SPAG17: variants seen among roughly 807,000 people sequenced by gnomAD.
SPAG17 encodes the protein sperm-associated antigen 17.
SPAG17 carries 169 observed loss-of-function variants against 273.6 expected under a neutral mutation model. The ratio of observed to expected loss-of-function variants is 0.62; its 90% CI spans 0.55 to 0.70. The LOEUF (loss-of-function observed/expected upper bound fraction) is 0.70, where lower values mean the gene tolerates loss of function less well. Ranked by LOEUF, SPAG17 falls within the 30% of genes least tolerant of loss-of-function variation. SPAG17 has a pLI of 0.00. For synonymous variants in SPAG17, 825 were observed against 873.2 expected, an observed-to-expected ratio of 0.94 and a Z score of 0.97; for missense variants, 2,557 against 2,627.8, an observed-to-expected ratio of 0.97 and a Z score of 0.59.
intron 18 of SPAG17, among the ~76,000 whole-genome samples, chr1:118,061,600 T>G (rs1652301297): frequency 6.6e-6 from 1 of 152,192 alleles, no homozygotes; most frequent in South Asian, 2.1e-4. Flanking sequence ...TGAAGATATG[T>G]TAAAAGAAGG....
chr1:118,023,361 A>G lies in SPAG17; in HGVS notation c.4012T>C (p.Ser1338Pro). 1 of 1,612,846 alleles carries G rather than the reference A, an allele frequency of 6.2e-7. No individual in the cohort carries two copies. The highest frequency in any genetic ancestry group is 8.5e-7 in the Non-Finnish European group (1 of 1,179,150). Residue 1338 changes from serine (S) to proline (P), a missense_variant, in exon 28 of 49, where the codon TCT becomes CCT. Transcript: ENST00000336338. ...GTTTCTGATTTCTGCTGAGAAATAG[A>G]GTCCATCAAATCTCCACTGTGAGGC... Reference protein sequence around the residue: ...ATPHSGDLMDSISQQKSETIP... With the variant: ...ATPHSGDLMDPISQQKSETIP...
chr1:118,182,085 C>CAAGG (rs1660975909), intron 1 of SPAG17, among the ~76,000 whole-genome samples: 1 of 151,348 alleles, frequency 6.6e-6, no homozygotes, highest in Non-Finnish European at 1.5e-5. Context: ...AAGTGCCCAT[C>CAAGG]AATGAATGAA....
At chr1:118,135,126 G>T (rs1658265297) in intron 3 of SPAG17, among the ~76,000 whole-genome samples, 1 of 152,178 alleles carries the variant, frequency 6.6e-6, no homozygotes. Context: ...CTTTGCAAAT[G>T]CTGTGTGGGT....
intron 32 of SPAG17, among the ~76,000 whole-genome samples, chr1:117,998,403 C>T (rs1294099297): frequency 1.3e-5 from 2 of 152,052 alleles, no homozygotes; most frequent in African/African-American, 2.4e-5. Flanking sequence ...TATTTGGTTT[C>T]ATTGGTCTAT....
intron 3 of SPAG17, among the ~76,000 whole-genome samples, chr1:118,148,355 G>A (rs1388172628): frequency 6.6e-6 from 1 of 152,128 alleles, no homozygotes; most frequent in Non-Finnish European, 1.5e-5. Flanking sequence ...GTCACAAAGA[G>A]CGAAAAAACA....
chr1:118,118,761 G>A (rs561414642), intron 3 of SPAG17, among the ~76,000 whole-genome samples: 2 of 152,304 alleles, frequency 1.3e-5, no homozygotes, highest in South Asian at 4.1e-4. Flanking sequence ...TGAGGCAGAA[G>A]CCATGTTCAT....
intron 43 of SPAG17, among the ~76,000 whole-genome samples, chr1:117,981,002 T>C (rs539964152): frequency 5.9e-5 from 9 of 152,268 alleles, no homozygotes; most frequent in Non-Finnish European, 1.2e-4. Flanking sequence ...GGGATAAAAT[T>C]AGGTAAAAAT....
intron 3 of SPAG17, among the ~76,000 whole-genome samples, chr1:118,130,938 G>T (rs1280494190): frequency 6.6e-6 from 1 of 152,178 alleles, no homozygotes; most frequent in East Asian, 1.9e-4. Context: ...CATGTTTTTA[G>T]AATCTGCTCT....
At chr1:118,028,921 C>T (rs577939265) in intron 25 of SPAG17, among the ~76,000 whole-genome samples, 24 of 152,264 alleles carry the variant, frequency 1.6e-4, no homozygotes, top group African/African-American at 5.1e-4. Flanking sequence ...GCCTCTTCCT[C>T]TTCTGCCATG....
intron 20 of SPAG17, among the ~76,000 whole-genome samples, chr1:118,052,991 A>G (rs1402496662): frequency 6.6e-6 from 1 of 151,940 alleles, no homozygotes; most frequent in Non-Finnish European, 1.5e-5. Flanking sequence ...TTTTACTAAG[A>G]CCCTCCTCCC....
chr1:118,148,046 T>C (rs1659135841), intron 3 of SPAG17, among the ~76,000 whole-genome samples: 1 of 152,206 alleles, frequency 6.6e-6, no homozygotes, highest in South Asian at 2.1e-4. Context: ...GGCTGTTATA[T>C]CGTGAGTTCC....
intron 22 of SPAG17, 59 bp downstream of exon 22, chr1:118,040,671 G>C: frequency 8.5e-7 from 1 of 1,178,496 alleles, no homozygotes; most frequent in Non-Finnish European, 1.3e-6. Context: ...GAGGGCCCCT[G>C]GTTATCTGAA....
chr1:117,975,782 G>A (rs577359902), intron 43 of SPAG17, among the ~76,000 whole-genome samples: 101 of 152,292 alleles, frequency 6.6e-4, no homozygotes, highest in African/African-American at 2.4e-3. Context: ...CTCTGCAGAG[G>A]CAAGCATTCC....
At chr1:118,164,303 A>G (rs1660062660) in intron 1 of SPAG17, among the ~76,000 whole-genome samples, 3 of 152,174 alleles carry the variant, frequency 2.0e-5, no homozygotes, top group African/African-American at 7.2e-5. Context: ...GCATGTCTAA[A>G]AACTGAGCTC....
chr1:118,073,976 T>C lies in SPAG17; in HGVS notation c.2272-9A>G. ...ATCATCTTCTTGGGTTTCTAAAATATCATAGGAACACAATTTCAGCTTTAA... is the reference window on the plus strand; with the variant it reads ...ATCATCTTCTTGGGTTTCTAAAATACCATAGGAACACAATTTCAGCTTTAA... On this transcript the variant is annotated splice_polypyrimidine_tract_variant and intron_variant, in intron 16 of 48. Coordinates refer to ENST00000336338, the MANE Select transcript of SPAG17 (RefSeq NM_206996.4). 3.9e-6 allele frequency: 6 copies of C among 1,531,646 alleles called. No individual in the cohort carries two copies. The highest frequency in any genetic ancestry group is 5.2e-6 in the Non-Finnish European group (6 of 1,145,666). 94.9% of individuals were successfully genotyped at this position (1,531,646 alleles called of 1,614,324 possible). A position where few individuals can be genotyped will look rare whatever the true frequency, so the allele number is the denominator to read the frequency against.
At position 117,970,044 on chromosome 1, in the gene SPAG17, T is replaced by C. The variant is rs1377042872; in HGVS notation, c.6387+12A>G. On this transcript the variant is annotated intron_variant, in intron 46 of 48. Transcript: ENST00000336338. ...ACGCAAGCACACACAACAGATGACA[T>C]ATAGGACTTACAGGTCCAGGTTTGT... is the stretch of plus-strand genomic sequence containing the variant. The C allele has an allele frequency of 1.2e-6, 2 of 1,613,094 alleles. No homozygotes were observed. Among genetic ancestry groups the C allele is most frequent in the East Asian group, 2.2e-5 (1 of 44,858 alleles).
At chr1:118,023,524 A>T in intron 27 of SPAG17, 61 bp from the exon 28 acceptor site, 1 of 1,517,548 alleles carries the variant, frequency 6.6e-7, no homozygotes, top group Non-Finnish European at 8.9e-7. Flanking sequence ...GTTTAACAAT[A>T]AACGCTGTGT....
intron 45 of SPAG17, 128 bp downstream of exon 45, chr1:117,971,735 G>A: frequency 1.5e-6 from 1 of 688,036 alleles, no homozygotes; most frequent in South Asian, 2.6e-5. Flanking sequence ...ATGACTGAAT[G>A]AATAATGTGA....
chr1:118,086,440 TAATTG>T (rs1655001228), intron 12 of SPAG17, among the ~76,000 whole-genome samples: 1 of 152,196 alleles, frequency 6.6e-6, no homozygotes, highest in African/African-American at 2.4e-5. Flanking sequence ...TGGTAACAAT[TAATTG>T]AATTGTTAAT....
Sources: allele counts gnomAD v4.1 joint callset (sites outside exome capture counted in the v4.1 genomes callset), GRCh38; gene constraint gnomAD v4.1.1; transcripts MANE v1.5; gene names NCBI Gene and HGNC (gene_info 2026-07-23, HGNC 2026-07-21).